DIAPH2: variants seen among roughly 807,000 people sequenced by gnomAD.
DIAPH2 encodes diaphanous related formin 2.
In DIAPH2, 35 loss-of-function variants were observed where a neutral mutation model predicts 92.7. The observed-to-expected ratio is 0.38, with a 90% CI of 0.29 to 0.50. The LOEUF (loss-of-function observed/expected upper bound fraction) is 0.50. Among genes scored for constraint, DIAPH2 ranks in the 20% least tolerant of loss-of-function variants. The probability of loss-of-function intolerance (pLI) is 0.94; values close to 1 mark genes in which losing one functional copy is unlikely to be tolerated. For missense variants in DIAPH2, 701 were observed against 819.5 expected (o/e 0.86, Z 1.77); for synonymous variants, 301 against 280.4 (o/e 1.07, Z -0.73).
At chrX:97,371,007 T>G (rs2069443251) in intron 24 of DIAPH2, among the ~76,000 whole-genome samples, 1 of 111,733 alleles carries the variant, frequency 8.9e-6, no homozygotes, top group Non-Finnish European at 1.9e-5. Context: ...TATAATATTT[T>G]AGAAGATTTA....
intron 20 of DIAPH2, among the ~76,000 whole-genome samples, chrX:97,107,583 G>C (rs966301458): frequency 4.5e-5 from 5 of 111,706 alleles, no homozygotes; most frequent in Non-Finnish European, 9.4e-5. Context: ...ACTCCAGGCA[G>C]AAATCTGGTC....
chrX:97,511,937 C>T (rs1165852276), intron 26 of DIAPH2, among the ~76,000 whole-genome samples: 2 of 113,116 alleles, frequency 1.8e-5, no homozygotes, highest in African/African-American at 6.5e-5. Flanking sequence ...ATTTTTGCAT[C>T]AATGTTCATC....
At chrX:97,088,295 T>C (rs187875594) in intron 19 of DIAPH2, among the ~76,000 whole-genome samples, 1 of 112,044 alleles carries the variant, frequency 8.9e-6, no homozygotes, top group African/African-American at 3.2e-5. Flanking sequence ...CTACTTTCTC[T>C]TGGAAATACT....
In DIAPH2 at chrX:97,139,625, A is replaced by T. The variant is rs183864324; in HGVS notation, c.2590-2040A>T. On this transcript the variant is annotated intron_variant, in intron 21 of 26. Transcript: ENST00000324765. ...ATAGTCTGTCTAAAAGTCTTTTATC[A>T]TTTCATCAAAGATACTAATACATTT... Among the ~76,000 whole-genome samples, 306 of 110,885 alleles carry T rather than the reference A, an allele frequency of 2.8e-3. 1 individual carries two copies. Among genetic ancestry groups the T allele is most frequent in the Admixed American group, 4.5e-3 (46 of 10,332 alleles).
At chrX:97,531,589 A>G (rs1316436933) in intron 26 of DIAPH2, among the ~76,000 whole-genome samples, 1 of 112,337 alleles carries the variant, frequency 8.9e-6, no homozygotes, top group Non-Finnish European at 1.9e-5. Context: ...ACTAATGTTT[A>G]TCTGTTATGT....
chrX:97,108,083 T>A (rs777007227), intron 20 of DIAPH2, among the ~76,000 whole-genome samples: 1 of 110,705 alleles, frequency 9.0e-6, no homozygotes, highest in Non-Finnish European at 1.9e-5. Flanking sequence ...GTGTGTAAAA[T>A]TCAAATTATA....
At chrX:97,084,096 G>T (rs1329934879) in intron 19 of DIAPH2, among the ~76,000 whole-genome samples, 1 of 50,945 alleles carries the variant, frequency 2.0e-5, no homozygotes, top group Non-Finnish European at 4.4e-5. Context: ...AAGCTTATTT[G>T]TTTTTGTTTT....
intron 20 of DIAPH2, among the ~76,000 whole-genome samples, chrX:97,101,668 C>T (rs896149281): frequency 1.8e-5 from 2 of 111,748 alleles, no homozygotes; most frequent in African/African-American, 6.5e-5. Context: ...GTTTGTTAAA[C>T]GTGTACTTTG....
chrX:97,287,818 T>G (rs1255926591), intron 23 of DIAPH2, among the ~76,000 whole-genome samples: 1 of 106,842 alleles, frequency 9.4e-6, no homozygotes, highest in Non-Finnish European at 1.9e-5. Flanking sequence ...TGGCCGGGCC[T>G]AGTATGCACC....
intron 23 of DIAPH2, among the ~76,000 whole-genome samples, chrX:97,256,958 C>G (rs2068241703): frequency 9.3e-6 from 1 of 107,190 alleles, no homozygotes; most frequent in Non-Finnish European, 1.9e-5. Context: ...CCACCACACC[C>G]AGCCTTTCTT....
intron 19 of DIAPH2, among the ~76,000 whole-genome samples, chrX:97,095,032 T>TG (rs1165638124): frequency 9.8e-6 from 1 of 102,422 alleles, no homozygotes; most frequent in Non-Finnish European, 2.0e-5. Flanking sequence ...CCAAGCAAAA[T>TG]GGGGAAAAGA....
intron 23 of DIAPH2, among the ~76,000 whole-genome samples, chrX:97,318,482 C>CTTTT (rs745350367): frequency 4.3e-5 from 2 of 46,324 alleles, no homozygotes; most frequent in African/African-American, 1.8e-4. Context: ...TTTTTCTTTA[C>CTTTT]TTTTTTTTTT....
chrX:96,930,858 T>C lies in DIAPH2; in HGVS notation c.1089+15T>C. On this transcript the variant is annotated intron_variant, in intron 10 of 26. Transcript: ENST00000324765. ...CAATGTTACCAGTAAGTTGAATGTATACATTTATTATGCTGATGAATTTTA... is the reference window on the plus strand; with the variant it reads ...CAATGTTACCAGTAAGTTGAATGTACACATTTATTATGCTGATGAATTTTA... 2 of 1,159,464 alleles carry C rather than the reference T, an allele frequency of 1.7e-6. No homozygotes were observed. Among genetic ancestry groups the C allele is most frequent in the Admixed American group, 2.8e-5 (1 of 35,897 alleles).
At chrX:97,320,613 G>A (rs1460740623) in intron 23 of DIAPH2, among the ~76,000 whole-genome samples, 1 of 108,720 alleles carries the variant, frequency 9.2e-6, no homozygotes, top group Non-Finnish European at 1.9e-5. Flanking sequence ...TGCTCAGGAG[G>A]CTGAGGCAGT....
chrX:97,570,591 A>C (rs1029720439), intron 26 of DIAPH2, among the ~76,000 whole-genome samples: 2 of 110,623 alleles, frequency 1.8e-5, no homozygotes, highest in Admixed American at 1.9e-4. Context: ...TTTGATGCAA[A>C]ATATCAGTTA....
chrX:97,540,143 G>A (rs139296167), intron 26 of DIAPH2, among the ~76,000 whole-genome samples: 232 of 111,919 alleles, frequency 2.1e-3, no homozygotes, highest in African/African-American at 7.3e-3. Flanking sequence ...TCAGTACACT[G>A]TTCACATTAG....
At chrX:96,753,973 T>C (rs1230360358) in intron 3 of DIAPH2, among the ~76,000 whole-genome samples, 4 of 112,435 alleles carry the variant, frequency 3.6e-5, no homozygotes, top group Admixed American at 9.4e-5. Flanking sequence ...TATGCATGCA[T>C]TTTATTGGTG....
chrX:97,493,925 A>G (rs978402459), intron 26 of DIAPH2, among the ~76,000 whole-genome samples: 8 of 105,698 alleles, frequency 7.6e-5, no homozygotes, highest in African/African-American at 2.8e-4. Context: ...ACAACAAAAA[A>G]ACCAGCCTGA....
chrX:96,918,604 C>G lies in DIAPH2; in HGVS notation c.965C>G (p.Ala322Gly), dbSNP rs1461583732. The G allele has an allele frequency of 1.7e-6, 2 of 1,185,953 alleles. No homozygotes were observed. The highest frequency in any genetic ancestry group is 1.8e-5 in the African/African-American group (1 of 56,390). The change falls in exon 9 of 27, where the codon GCC becomes GGC. Residue 322 changes from alanine (A) to glycine (G), a missense_variant. By Grantham distance (60) the Ala-to-Gly change is moderately conservative. This residue lies in a region of DIAPH2 where 536 missense variants were observed against 599.3 expected (regional missense o/e 0.89). Transcript: ENST00000324765. ...GTGGAAGGTTTAGAAAATCAGGAAGCCTTGCAATTACAGGTGAGTTAGTTT... is the reference window on the plus strand; with the variant it reads ...GTGGAAGGTTTAGAAAATCAGGAAGGCTTGCAATTACAGGTGAGTTAGTTT... ...PIVEGLENQEALQLQVACMQF... is the reference protein window; with the variant it reads ...PIVEGLENQEGLQLQVACMQF...
Sources: allele counts gnomAD v4.1 joint callset (sites outside exome capture counted in the v4.1 genomes callset), GRCh38; gene constraint gnomAD v4.1.1; regional missense constraint gnomAD v4.1.1; transcripts MANE v1.5; gene names NCBI Gene and HGNC (gene_info 2026-07-23, HGNC 2026-07-21).